NFIA: variants seen among roughly 807,000 people sequenced by gnomAD.
The protein encoded by NFIA is nuclear factor I A, also known as nuclear factor 1 A-type.
Under a neutral mutation model 62.8 loss-of-function variants are expected in NFIA, and 8 were observed. That is an observed-to-expected ratio of 0.13 (90% CI 0.07 to 0.23). The LOEUF is 0.23. Among genes scored for constraint, NFIA ranks in the 10% least tolerant of loss-of-function variants. The probability of loss-of-function intolerance (pLI) is 1.00; values close to 1 mark genes in which losing one functional copy is unlikely to be tolerated. For missense variants in NFIA, 410 were observed against 642.1 expected (o/e 0.64, Z 3.91); for synonymous variants, 235 against 238.1 (o/e 0.99, Z 0.12).
intron 2 of NFIA, among the ~76,000 whole-genome samples, chr1:61,135,300 T>G (rs1378282225): frequency 2.0e-5 from 3 of 152,224 alleles, no homozygotes; most frequent in Non-Finnish European, 4.4e-5. Flanking sequence ...CAAGGATCTT[T>G]TGCAAGGTCG....
intron 2 of NFIA, among the ~76,000 whole-genome samples, chr1:61,196,053 CA>C (rs1198942349): frequency 3.3e-5 from 5 of 152,238 alleles, no homozygotes; most frequent in Non-Finnish European, 7.4e-5. Flanking sequence ...CTGTAATTAA[CA>C]TGTTTACAAG....
intron 10 of NFIA, among the ~76,000 whole-genome samples, chr1:61,440,661 G>A (rs988637402): frequency 6.7e-6 from 1 of 149,994 alleles, no homozygotes; most frequent in Admixed American, 6.6e-5. Context: ...TCCTCCTCCC[G>A]ATGCTTTTTT....
intron 2 of NFIA, among the ~76,000 whole-genome samples, chr1:61,204,544 T>C (rs556962670): frequency 2.6e-5 from 4 of 152,346 alleles, no homozygotes; most frequent in African/African-American, 9.6e-5. Context: ...GATGGTTACG[T>C]AAGTTCCATT....
At chr1:61,270,021 C>T (rs1391100263) in intron 2 of NFIA, among the ~76,000 whole-genome samples, 1 of 152,200 alleles carries the variant, frequency 6.6e-6, no homozygotes, top group African/African-American at 2.4e-5. Flanking sequence ...CAAAGATAAT[C>T]TCTTTCCCAG....
At chr1:61,240,090 T>C (rs1655253405) in intron 2 of NFIA, among the ~76,000 whole-genome samples, 1 of 152,164 alleles carries the variant, frequency 6.6e-6, no homozygotes, top group South Asian at 2.1e-4. Context: ...AATGTCTTTC[T>C]ACGTGATGTT....
chr1:61,089,695 C>CTTTTTTTTTTTTTTTTTTT (rs918196815), intron 2 of NFIA, among the ~76,000 whole-genome samples: 10 of 107,764 alleles, frequency 9.3e-5, no homozygotes, highest in South Asian at 3.1e-4. Flanking sequence ...GTTTTTTTTT[C>CTTTTTTTTTTTTTTTTTTT]TTTTTTTTTT....
chr1:61,416,221 A>G (rs1440323989), intron 9 of NFIA, among the ~76,000 whole-genome samples: 1 of 152,178 alleles, frequency 6.6e-6, no homozygotes, highest in African/African-American at 2.4e-5. Context: ...CTAAGTTTTC[A>G]GTCCTCCTTT....
At chr1:61,416,867 A>T (rs1424539919) in intron 9 of NFIA, among the ~76,000 whole-genome samples, 1 of 152,146 alleles carries the variant, frequency 6.6e-6, no homozygotes, top group African/African-American at 2.4e-5. Context: ...CTATGTTTAG[A>T]GGTGTAATAT....
intron 2 of NFIA, among the ~76,000 whole-genome samples, chr1:61,093,954 G>C (rs1234358297): frequency 6.6e-6 from 1 of 152,166 alleles, no homozygotes; most frequent in African/African-American, 2.4e-5. Context: ...TTTGGTTAAG[G>C]CCTCAAGCTG....
At chr1:61,328,723 A>ATTTTTTTTT (rs35979153) in intron 3 of NFIA, among the ~76,000 whole-genome samples, 1 of 108,932 alleles carries the variant, frequency 9.2e-6, no homozygotes, top group African/African-American at 3.3e-5. Flanking sequence ...CCGGCCTATA[A>ATTTTTTTTT]TTTTTTTTTT....
chr1:61,206,054 C>A (rs1413971517), intron 2 of NFIA, among the ~76,000 whole-genome samples: 1 of 151,704 alleles, frequency 6.6e-6, no homozygotes, highest in Non-Finnish European at 1.5e-5. Flanking sequence ...TAGCTGGGAC[C>A]ACAGGTGTGC....
chr1:61,219,806 A>G (rs1029825033), intron 2 of NFIA, among the ~76,000 whole-genome samples: 4 of 151,814 alleles, frequency 2.6e-5, no homozygotes, highest in African/African-American at 7.3e-5. Flanking sequence ...TCTACTAAGC[A>G]TAGAAAAATT....
At chr1:61,315,893 G>C (rs1660341379) in intron 3 of NFIA, among the ~76,000 whole-genome samples, 1 of 152,014 alleles carries the variant, frequency 6.6e-6, no homozygotes. Context: ...TATTTCCATA[G>C]AGTCTGTGGA....
At chr1:61,354,042 G>T (rs1662695032) in intron 5 of NFIA, among the ~76,000 whole-genome samples, 1 of 152,146 alleles carries the variant, frequency 6.6e-6, no homozygotes, top group South Asian at 2.1e-4. Context: ...TCATGTGTGT[G>T]CTGTATGTGT....
At chr1:61,208,328 A>C (rs1321440319) in intron 2 of NFIA, among the ~76,000 whole-genome samples, 1 of 152,198 alleles carries the variant, frequency 6.6e-6, no homozygotes, top group Non-Finnish European at 1.5e-5. Context: ...TTGGAAAAGT[A>C]TGGTCCATGC....
At chr1:61,170,746 A>C (rs755036357) in intron 2 of NFIA, among the ~76,000 whole-genome samples, 13 of 152,232 alleles carry the variant, frequency 8.5e-5, no homozygotes, top group Non-Finnish European at 1.5e-4. Context: ...AGAGGGTCTG[A>C]ACTGAGCAAA....
chr1:61,139,135 G>A (rs1046779090), intron 2 of NFIA, among the ~76,000 whole-genome samples: 2 of 152,112 alleles, frequency 1.3e-5, no homozygotes, highest in Non-Finnish European at 2.9e-5. Flanking sequence ...CTAAGATCAC[G>A]TCACTGCACT....
chr1:61,179,970 G>A (rs1650642637), intron 2 of NFIA, among the ~76,000 whole-genome samples: 2 of 152,078 alleles, frequency 1.3e-5, no homozygotes, highest in Admixed American at 6.6e-5. Flanking sequence ...TTCCACAGGC[G>A]GCTGATATCG....
At chr1:61,401,467 A>G (rs1665552932) in intron 7 of NFIA, among the ~76,000 whole-genome samples, 1 of 152,168 alleles carries the variant, frequency 6.6e-6, no homozygotes, top group South Asian at 2.1e-4. Context: ...TATAACAGTT[A>G]ATGAGGAGAT....
Sources: allele counts gnomAD v4.1 joint callset (sites outside exome capture counted in the v4.1 genomes callset), GRCh38; gene constraint gnomAD v4.1.1; transcripts MANE v1.5; gene names NCBI Gene and HGNC (gene_info 2026-07-23, HGNC 2026-07-21).